Variants in GOLM1 observed in about 807,000 individuals in gnomAD.
The protein encoded by GOLM1 is golgi membrane protein 1, also known as epididymis luminal protein 46.
A neutral mutation model predicts 50.5 loss-of-function variants in GOLM1; 31 were observed. The ratio of observed to expected loss-of-function variants is 0.61; its 90% CI spans 0.46 to 0.83. GOLM1 has a LOEUF of 0.83. Ranked by LOEUF, GOLM1 falls within the 40% of genes least tolerant of loss-of-function variation. The pLI, the probability that GOLM1 is intolerant of heterozygous loss-of-function variation, is 0.00. For synonymous variants in GOLM1, 178 were observed against 192.8 expected (o/e 0.92, Z 0.64); for missense variants, 491 against 501.3 (o/e 0.98, Z 0.20).
In GOLM1 at chr9:86,069,726, G is replaced by T. The variant is rs1834395295; in HGVS notation, c.309+7686C>A. On this transcript the variant is annotated intron_variant, in intron 3 of 9. Coordinates refer to ENST00000388712, the MANE Select transcript of GOLM1 (RefSeq NM_016548.4). ...CAGAGGGTTAGCTGAGGCCAGCAAT[G>T]ACACCTGCCATTTTACATCTTTATC... Among the ~76,000 whole-genome samples, 3 of 152,080 alleles carry T rather than the reference G, an allele frequency of 2.0e-5. No individual in the cohort carries two copies. In the South Asian group the frequency reaches 6.2e-4, roughly 32 times the overall value.
chr9:86,058,814 T>C (rs1230959526), intron 3 of GOLM1, among the ~76,000 whole-genome samples: 1 of 151,176 alleles, frequency 6.6e-6, no homozygotes, highest in Non-Finnish European at 1.5e-5. Context: ...CCGGCCAACA[T>C]GGCAAAACCC....
intron 4 of GOLM1, among the ~76,000 whole-genome samples, chr9:86,048,699 T>C (rs577978740): frequency 6.6e-6 from 1 of 152,362 alleles, no homozygotes; most frequent in African/African-American, 2.4e-5. Context: ...GTTCGTATGC[T>C]TTGCCCACTT....
intron 6 of GOLM1, among the ~76,000 whole-genome samples, chr9:86,038,854 A>G (rs1833237068): frequency 6.6e-6 from 1 of 152,206 alleles, no homozygotes; most frequent in Non-Finnish European, 1.5e-5. Context: ...CTGAGAAGAA[A>G]ATGTAACAGT....
chr9:86,087,504 T>A (rs535560502), intron 1 of GOLM1, among the ~76,000 whole-genome samples: 1 of 152,228 alleles, frequency 6.6e-6, no homozygotes, highest in African/African-American at 2.4e-5. Flanking sequence ...AGAGAGGACA[T>A]CCTTGTCTTG....
chr9:86,074,257 AC>A (rs1834540539), intron 3 of GOLM1, among the ~76,000 whole-genome samples: 1 of 148,282 alleles, frequency 6.7e-6, no homozygotes, highest in African/African-American at 2.5e-5. Flanking sequence ...AAAAAAAAAG[AC>A]AGACAATGTA....
intron 3 of GOLM1, 123 bp downstream of exon 3, chr9:86,077,289 C>T (rs1444439951): frequency 7.7e-6 from 6 of 775,910 alleles, no homozygotes; most frequent in Non-Finnish European, 1.1e-5. Context: ...GATCAATAGG[C>T]TCTTTCCACA....
intron 9 of GOLM1, among the ~76,000 whole-genome samples, chr9:86,031,474 T>G (rs11141183): frequency 5.0e-5 from 7 of 139,402 alleles, no homozygotes; most frequent in African/African-American, 1.9e-4. Context: ...TTTTTTTTTT[T>G]CCCCGAGACG....
intron 5 of GOLM1, among the ~76,000 whole-genome samples, chr9:86,041,241 G>A (rs779930073): frequency 1.7e-4 from 26 of 152,126 alleles, no homozygotes; most frequent in Non-Finnish European, 2.5e-4. Context: ...AAGCCCCTCT[G>A]GACCATACTT....
At chr9:86,066,570 T>C (rs971860312) in intron 3 of GOLM1, among the ~76,000 whole-genome samples, 4 of 152,222 alleles carry the variant, frequency 2.6e-5, no homozygotes, top group Admixed American at 6.5e-5. Context: ...GCTAAAACAT[T>C]ACCTTTGCAC....
chr9:86,064,957 T>C (rs769471447), intron 3 of GOLM1, among the ~76,000 whole-genome samples: 124 of 152,172 alleles, frequency 8.1e-4, no homozygotes, highest in Non-Finnish European at 1.5e-3. Context: ...TCAGATGCAC[T>C]TACTGGAGGC....
chr9:86,060,876 CAAAAAAAAAAAAAAAAAAAA>C (rs753183065), intron 3 of GOLM1, among the ~76,000 whole-genome samples: 23 of 19,910 alleles, frequency 1.2e-3, no homozygotes, highest in Admixed American at 2.1e-3. Flanking sequence ...GAAACTCTCT[CAAAAAAAAAAAAAAAAAAAA>C]AAAAAAAAAA....
intron 1 of GOLM1, among the ~76,000 whole-genome samples, chr9:86,098,819 G>C (rs529629013): frequency 1.5e-3 from 223 of 152,340 alleles, no homozygotes; most frequent in South Asian, 1.9e-3. Flanking sequence ...CCACGAGAAC[G>C]GGATGCAGCC....
At chr9:86,037,781 G>A (rs1833194415) in intron 6 of GOLM1, among the ~76,000 whole-genome samples, 1 of 152,164 alleles carries the variant, frequency 6.6e-6, no homozygotes, top group African/African-American at 2.4e-5. Flanking sequence ...ATCACCACGG[G>A]AACTGGTGTC....
chr9:86,079,240 G>A lies in GOLM1; in HGVS notation c.81C>T (p.Val27=), dbSNP rs368347912. 9 of 1,610,356 alleles carry A rather than the reference G, an allele frequency of 5.6e-6. No individual in the cohort carries two copies. Among genetic ancestry groups the A allele is most frequent in the African/African-American group, 5.3e-5 (4 of 74,812 alleles). The change falls in exon 2 of 10, where the codon GTC becomes GTT. Residue 27 remains valine (V), a synonymous_variant. Transcript: ENST00000388712. ...VLAALVACII[V]LGFNYWIASS... ...TCGCAATCCAGTAGTTGAAGCCCAA[G>A]ACGATGATGCAGGCCACCAGGGCGG...
intron 1 of GOLM1, among the ~76,000 whole-genome samples, chr9:86,098,213 CAGTA>C (rs1338962002): frequency 2.0e-5 from 3 of 152,160 alleles, no homozygotes; most frequent in African/African-American, 7.2e-5. Context: ...GGCCTAAAAA[CAGTA>C]AGTCTTAGCA....
rs116719956 is a variant in GOLM1 at position 86,098,976 on chromosome 9, G to C, written c.-22+435C>G. 4.8e-3 allele frequency among the ~76,000 whole-genome samples: 737 copies of C among 152,316 alleles called. 6 individuals are homozygous for C. The highest frequency in any genetic ancestry group is 0.017 in the African/African-American group (711 of 41,576). Reference sequence around the variant, plus strand: ...AGGCGGCGGGAGCCGAGAGACTCGCGGCTCGGCCAGCCTCCCGCGCCTGGT... The same window carrying C: ...AGGCGGCGGGAGCCGAGAGACTCGCCGCTCGGCCAGCCTCCCGCGCCTGGT... On this transcript the variant is annotated intron_variant, in intron 1 of 9. Coordinates refer to ENST00000388712, the MANE Select transcript of GOLM1 (RefSeq NM_016548.4).
Position 86,050,339 on chromosome 9 carries a change from T to C in GOLM1, c.364+2198A>G, listed in dbSNP as rs577962925. 3.9e-5 allele frequency among the ~76,000 whole-genome samples: 6 copies of C among 152,338 alleles called. No individual in the cohort carries two copies. The East Asian group carries it at 1.2e-3, about 29-fold the overall frequency. ...GGTCTAAAATTCTCTTTTTTTGTTGTGTCTCTGCCAGGCTTTGGTATCAGG... is the reference window on the plus strand; with the variant it reads ...GGTCTAAAATTCTCTTTTTTTGTTGCGTCTCTGCCAGGCTTTGGTATCAGG... On this transcript the variant is annotated intron_variant, in intron 4 of 9. Transcript: ENST00000388712.
chr9:86,065,318 GAACA>G (rs938586628), intron 3 of GOLM1, among the ~76,000 whole-genome samples: 1 of 152,188 alleles, frequency 6.6e-6, no homozygotes, highest in African/African-American at 2.4e-5. Context: ...GGGCAGAACA[GAACA>G]AATACTGAAC....
At chr9:86,072,537 A>G (rs1834478234) in intron 3 of GOLM1, among the ~76,000 whole-genome samples, 1 of 152,212 alleles carries the variant, frequency 6.6e-6, no homozygotes, top group African/African-American at 2.4e-5. Flanking sequence ...CTGGGAAAAA[A>G]GCAGTGATGA....
Sources: allele counts gnomAD v4.1 joint callset (sites outside exome capture counted in the v4.1 genomes callset), GRCh38; gene constraint gnomAD v4.1.1; transcripts MANE v1.5; gene names NCBI Gene and HGNC (gene_info 2026-07-23, HGNC 2026-07-21).